GRIA1: variants seen among roughly 807,000 people sequenced by gnomAD.
GRIA1 encodes glutamate receptor 1.
GRIA1 carries 31 observed loss-of-function variants against 99.2 expected under a neutral mutation model. The observed-to-expected ratio is 0.31, with a 90% CI of 0.23 to 0.42. The LOEUF is 0.42. Ranked by LOEUF, GRIA1 falls within the 10% of genes least tolerant of loss-of-function variation. The pLI is 1.00. For synonymous variants in GRIA1, 438 were observed against 432.4 expected, an observed-to-expected ratio of 1.01 and a Z score of -0.16; for missense variants, 782 against 1,157.5, an observed-to-expected ratio of 0.68 and a Z score of 4.71.
chr5:153,590,973 A>G (rs1475364954), intron 2 of GRIA1, among the ~76,000 whole-genome samples: 2 of 152,224 alleles, frequency 1.3e-5, no homozygotes, highest in Admixed American at 1.3e-4. Context: ...AATTGTAAGC[A>G]CTGCAAAGTG....
chr5:153,490,843 T>C lies in GRIA1; in HGVS notation c.-46T>C. On this transcript the variant is annotated 5_prime_UTR_variant, in exon 1 of 16. Transcript: ENST00000285900. ...AAGGGAAAGGGGGGGAAACACCAAA[T>C]CTATGATTGGACCTGGGCTTCTTTT... 7.2e-7 allele frequency: 1 copy of C among 1,385,116 alleles called. No individual in the cohort carries two copies. The highest frequency in any genetic ancestry group is 1.0e-6 in the Non-Finnish European group (1 of 971,070). The allele number at this position is 1,385,116 out of a possible 1,614,324, so 85.8% of individuals were successfully genotyped here.
chr5:153,773,698 G>A (rs1404684096), intron 13 of GRIA1, among the ~76,000 whole-genome samples: 1 of 152,132 alleles, frequency 6.6e-6, no homozygotes, highest in Admixed American at 6.6e-5. Flanking sequence ...AAGAAAAGGA[G>A]AGAGAAATGA....
chr5:153,564,068 C>T (rs544561073), intron 2 of GRIA1, among the ~76,000 whole-genome samples: 1 of 152,112 alleles, frequency 6.6e-6, no homozygotes, highest in African/African-American at 2.4e-5. Flanking sequence ...AAGGTGTGAC[C>T]TCTGCACAAT....
At chr5:153,645,222 A>G (rs1754059690) in intron 2 of GRIA1, among the ~76,000 whole-genome samples, 1 of 152,136 alleles carries the variant, frequency 6.6e-6, no homozygotes, top group African/African-American at 2.4e-5. Context: ...AATCTCAGTA[A>G]CTAGAAGTAT....
At chr5:153,757,526 G>A (rs2149598369) in intron 11 of GRIA1, among the ~76,000 whole-genome samples, 1 of 152,262 alleles carries the variant, frequency 6.6e-6, no homozygotes, top group South Asian at 2.1e-4. Flanking sequence ...CAAGGACAAA[G>A]AGAATTCTAA....
chr5:153,582,350 T>C (rs1763116787), intron 2 of GRIA1, among the ~76,000 whole-genome samples: 1 of 152,214 alleles, frequency 6.6e-6, no homozygotes, highest in Non-Finnish European at 1.5e-5. Context: ...TCAGGGTGTC[T>C]TGAGCCCTGT....
At chr5:153,666,094 A>C (rs1755723705) in intron 5 of GRIA1, among the ~76,000 whole-genome samples, 1 of 152,218 alleles carries the variant, frequency 6.6e-6, no homozygotes, top group African/African-American at 2.4e-5. Context: ...TACACAAAAA[A>C]GTCAATAAGA....
In GRIA1 at chr5:153,813,704, A is replaced by G. The variant is rs944565234; in HGVS notation, c.*2479A>G. The G allele has an allele frequency of 6.6e-6, 1 of 152,126 alleles. No individual in the cohort carries two copies. The highest frequency in any genetic ancestry group is 1.5e-5 in the Non-Finnish European group (1 of 68,024). 9.4% of individuals were successfully genotyped at this position (152,126 alleles called of 1,614,324 possible). A position where few individuals can be genotyped will look rare whatever the true frequency, so the allele number is the denominator to read the frequency against. On this transcript the variant is annotated 3_prime_UTR_variant, in exon 16 of 16. Coordinates refer to ENST00000285900, the MANE Select transcript of GRIA1 (RefSeq NM_000827.4). ...TACCTGGGCCTTTTATTTAACATCT[A>G]TATTTGTTTTAACTCTCTTGGCAGA...
intron 2 of GRIA1, among the ~76,000 whole-genome samples, chr5:153,518,714 A>T (rs891010075): frequency 9.2e-5 from 14 of 152,200 alleles, no homozygotes; most frequent in African/African-American, 3.4e-4. Context: ...TTTTTTTCAT[A>T]TAATTGCCAC....
At chr5:153,678,316 A>G (rs1022078763) in intron 7 of GRIA1, among the ~76,000 whole-genome samples, 2 of 152,194 alleles carry the variant, frequency 1.3e-5, no homozygotes, top group Non-Finnish European at 2.9e-5. Flanking sequence ...TGCTGAAGGA[A>G]CCTCACCAGC....
At chr5:153,548,872 TTATTA>T (rs1480294189) in intron 2 of GRIA1, among the ~76,000 whole-genome samples, 5 of 152,192 alleles carry the variant, frequency 3.3e-5, no homozygotes, top group African/African-American at 9.7e-5. Flanking sequence ...TTCTTCACTG[TTATTA>T]TATTATGAGC....
chr5:153,745,729 A>G (rs1420855945), intron 11 of GRIA1, among the ~76,000 whole-genome samples: 1 of 152,112 alleles, frequency 6.6e-6, no homozygotes, highest in Non-Finnish European at 1.5e-5. Flanking sequence ...TATAGATGTT[A>G]TAGATGACTC....
intron 4 of GRIA1, among the ~76,000 whole-genome samples, chr5:153,653,618 C>A (rs944183667): frequency 1.3e-5 from 2 of 152,018 alleles, no homozygotes; most frequent in African/African-American, 4.8e-5. Flanking sequence ...CCATCACATC[C>A]CCCTATGTTA....
chr5:153,513,276 C>G (rs1179972215), intron 2 of GRIA1, among the ~76,000 whole-genome samples: 1 of 152,096 alleles, frequency 6.6e-6, no homozygotes, highest in Non-Finnish European at 1.5e-5. Context: ...AGAGACTAGA[C>G]CTGGGATTTT....
intron 11 of GRIA1, among the ~76,000 whole-genome samples, chr5:153,758,298 C>T (rs1392643732): frequency 2.0e-5 from 3 of 151,888 alleles, no homozygotes; most frequent in Admixed American, 1.3e-4. Context: ...AATTATATGC[C>T]ACTCACAAGA....
intron 11 of GRIA1, among the ~76,000 whole-genome samples, chr5:153,760,149 C>T (rs1322493260): frequency 6.6e-6 from 1 of 151,954 alleles, no homozygotes; most frequent in East Asian, 1.9e-4. Context: ...CGAGGATGGC[C>T]ACTGTCCCCA....
chr5:153,637,621 C>A (rs1043609991), intron 2 of GRIA1, among the ~76,000 whole-genome samples: 4 of 152,140 alleles, frequency 2.6e-5, no homozygotes, highest in Non-Finnish European at 1.5e-5. Flanking sequence ...GGATGTAAAT[C>A]TTCTTTCCTG....
chr5:153,766,631 C>A (rs1763536654), intron 12 of GRIA1, among the ~76,000 whole-genome samples: 1 of 152,128 alleles, frequency 6.6e-6, no homozygotes, highest in African/African-American at 2.4e-5. Flanking sequence ...TCCAAGTATT[C>A]CTGTCACTGA....
intron 11 of GRIA1, among the ~76,000 whole-genome samples, chr5:153,707,859 C>T (rs760745976): frequency 1.3e-5 from 2 of 152,012 alleles, no homozygotes; most frequent in Non-Finnish European, 2.9e-5. Context: ...GTGAGACTGG[C>T]TGCTTGGCCA....
Sources: allele counts gnomAD v4.1 joint callset (sites outside exome capture counted in the v4.1 genomes callset), GRCh38; gene constraint gnomAD v4.1.1; transcripts MANE v1.5; gene names NCBI Gene and HGNC (gene_info 2026-07-23, HGNC 2026-07-21).